The following ZNF726 variants were observed in gnomAD, a reference collection of about 807,000 sequenced individuals.
ZNF726 encodes the protein zinc finger protein 92 pseudogene 3.
ZNF726 carries 15 observed loss-of-function variants against 11.6 expected under a neutral mutation model. That is an observed-to-expected ratio of 1.29 (90% CI 0.86 to 1.99). The LOEUF is 1.99. ZNF726 is among the 30% of genes most tolerant of loss of function. The probability of loss-of-function intolerance (pLI) is 0.00; values close to 1 mark genes in which losing one functional copy is unlikely to be tolerated. For missense variants in ZNF726, 890 were observed against 725.6 expected, an observed-to-expected ratio of 1.23 and a Z score of -2.60; for synonymous variants, 295 against 243.6, an observed-to-expected ratio of 1.21 and a Z score of -1.96.
intron 1 of ZNF726, among the ~76,000 whole-genome samples, chr19:23,915,294 G>A (rs13346132): frequency 0.24 from 36,531 of 152,050 alleles, 5,195 homozygotes; most frequent in African/African-American, 0.4. Context: ...GACCATGGGA[G>A]GAACGTCAGG....
At chr19:23,929,635 A>G (rs1157604628) in intron 3 of ZNF726, among the ~76,000 whole-genome samples, 1 of 152,218 alleles carries the variant, frequency 6.6e-6, no homozygotes, top group African/African-American at 2.4e-5. Context: ...AAACCATATC[A>G]TCTTAAAAAA....
At chr19:23,918,485 T>G (rs1024019034) in intron 1 of ZNF726, among the ~76,000 whole-genome samples, 5 of 152,210 alleles carry the variant, frequency 3.3e-5, no homozygotes, top group Admixed American at 6.5e-5. Context: ...GGACTTTCCA[T>G]AAAAATGATG....
At position 23,934,471 on chromosome 19, in the gene ZNF726, C is replaced by A. The variant is rs983794865; in HGVS notation, c.*504C>A. 2.5e-6 allele frequency: 1 copy of A among 392,764 alleles called. No individual in the cohort carries two copies. The highest frequency in any genetic ancestry group is 5.1e-6 in the Non-Finnish European group (1 of 195,584). The allele number at this position is 392,764 out of a possible 1,614,324, so 24.3% of individuals were successfully genotyped here. A position where few individuals can be genotyped will look rare whatever the true frequency, so the allele number is the denominator to read the frequency against. ...TAATTCAAACTGGAAAGAAACCCTGCAAGTCTGAAGAATGTGGGAAATCTT... is the reference window on the plus strand; with the variant it reads ...TAATTCAAACTGGAAAGAAACCCTGAAAGTCTGAAGAATGTGGGAAATCTT... On this transcript the variant is annotated 3_prime_UTR_variant, in exon 4 of 4. Coordinates refer to ENST00000594466, the MANE Select transcript of ZNF726 (RefSeq NM_001244038.2).
intron 1 of ZNF726, chr19:23,919,027 A>T (rs1356555839): frequency 1.9e-5 from 4 of 208,298 alleles, no homozygotes; most frequent in Non-Finnish European, 3.8e-5. Flanking sequence ...ATTTTGTCTG[A>T]AAAATATAAA....
downstream of ZNF726, among the ~76,000 whole-genome samples, chr19:23,937,199 C>T (rs1968252827): frequency 6.6e-6 from 1 of 150,652 alleles, no homozygotes; most frequent in African/African-American, 2.4e-5. Context: ...GACCCCTCCA[C>T]CTCCCTCCCG....
intron 3 of ZNF726, chr19:23,923,700 C>T (rs900354787): frequency 4.3e-5 from 7 of 163,360 alleles, no homozygotes; most frequent in Non-Finnish European, 6.7e-5. Flanking sequence ...AAATGCCTGC[C>T]TTCCATGAAT....
chr19:23,927,469 AATTT>A (rs1311658024), intron 3 of ZNF726, among the ~76,000 whole-genome samples: 1 of 151,694 alleles, frequency 6.6e-6, no homozygotes, highest in East Asian at 1.9e-4. Flanking sequence ...GGTCTTCTTA[AATTT>A]ATTTGTTATT....
downstream of ZNF726, among the ~76,000 whole-genome samples, chr19:23,938,356 CAAAA>C (rs35995397): frequency 2.7e-5 from 4 of 150,540 alleles, no homozygotes; most frequent in East Asian, 3.9e-4. Context: ...TATTTTTAGC[CAAAA>C]AAAAGTAATA....
intron 3 of ZNF726, among the ~76,000 whole-genome samples, chr19:23,940,360 T>C (rs1968318794): frequency 6.6e-6 from 1 of 152,178 alleles, no homozygotes; most frequent in Non-Finnish European, 1.5e-5. Flanking sequence ...CTTCTTTTGG[T>C]CTATGTGCCT....
At chr19:23,925,960 C>T (rs1303837973) in intron 3 of ZNF726, among the ~76,000 whole-genome samples, 1 of 151,996 alleles carries the variant, frequency 6.6e-6, no homozygotes, top group Non-Finnish European at 1.5e-5. Flanking sequence ...CGTGATCCGC[C>T]TGCCTCTGCC....
At chr19:23,934,602 T>G, downstream of ZNF726, 1 of 309,954 alleles carries the variant, frequency 3.2e-6, no homozygotes, top group South Asian at 2.9e-5. Flanking sequence ...TCCTGTGGCT[T>G]TCTCTCCTCT....
downstream of ZNF726, among the ~76,000 whole-genome samples, chr19:23,938,722 C>T (rs1257018768): frequency 2.0e-5 from 3 of 151,058 alleles, no homozygotes; most frequent in Non-Finnish European, 2.9e-5. Context: ...GTTCCCCTGC[C>T]TCAGCCTCCC....
At chr19:23,936,211 G>T (rs1460635934), downstream of ZNF726, 2 of 152,148 alleles carry the variant, frequency 1.3e-5, no homozygotes, top group Non-Finnish European at 2.9e-5. Flanking sequence ...TTAAGTCTAT[G>T]TAAATATCAG....
At chr19:23,937,086 G>A (rs1371019469), downstream of ZNF726, among the ~76,000 whole-genome samples, 3 of 142,942 alleles carry the variant, frequency 2.1e-5, no homozygotes, top group African/African-American at 7.7e-5. Flanking sequence ...CGGGCGGGGG[G>A]CTGACCCCCC....
chr19:23,941,608 T>C (rs1274769700), intron 3 of ZNF726, among the ~76,000 whole-genome samples: 1 of 152,130 alleles, frequency 6.6e-6, no homozygotes, highest in Non-Finnish European at 1.5e-5. Context: ...GTCCTGGACT[T>C]TTTTTCTTGG....
intron 4 of ZNF726, chr19:23,943,739 G>C: frequency 2.2e-6 from 1 of 445,302 alleles, no homozygotes; most frequent in East Asian, 3.0e-5. Flanking sequence ...TGAAGTAGGA[G>C]CATTTTTGTC....
Position 23,914,941 on chromosome 19 carries a change from C to A in ZNF726, c.-54C>A. ...CGTCCTCACTACTCTGTGTCTTCTG[C>A]TTTTAGGGGCGCAGCCTCTGTGGCC... On this transcript the variant is annotated 5_prime_UTR_variant, in exon 1 of 4. Coordinates refer to ENST00000594466, the MANE Select transcript of ZNF726 (RefSeq NM_001244038.2). 1 of 1,612,516 alleles carries A rather than the reference C, an allele frequency of 6.2e-7. No individual in the cohort carries two copies. Among genetic ancestry groups the A allele is most frequent in the Non-Finnish European group, 8.5e-7 (1 of 1,179,716 alleles).
chr19:23,934,432 G>C lies in ZNF726; in HGVS notation c.*465G>C, dbSNP rs564445376. ...AAGCCTTTAAGCAGTCTTCAATCCTGAGTAACCATAAGATAATTCAAACTG... is the reference window on the plus strand; with the variant it reads ...AAGCCTTTAAGCAGTCTTCAATCCTCAGTAACCATAAGATAATTCAAACTG... On this transcript the variant is annotated 3_prime_UTR_variant, in exon 4 of 4. Coordinates refer to ENST00000594466, the MANE Select transcript of ZNF726 (RefSeq NM_001244038.2). 1.8e-5 allele frequency: 8 copies of C among 443,848 alleles called. No individual in the cohort carries two copies. The highest frequency in any genetic ancestry group is 8.2e-5 in the African/African-American group (4 of 48,888). The allele number at this position is 443,848 out of a possible 1,614,324, so 27.5% of individuals were successfully genotyped here. A position where few individuals can be genotyped will look rare whatever the true frequency, so the allele number is the denominator to read the frequency against.
chr19:23,944,139 T>A (rs986717139), intron 4 of ZNF726: 3 of 152,228 alleles, frequency 2.0e-5, no homozygotes, highest in Non-Finnish European at 4.4e-5. Flanking sequence ...CCACTTTTTT[T>A]ATATACCTAT....
Sources: gnomAD v4.1 joint callset for allele counts (sites outside exome capture counted in the v4.1 genomes callset) on GRCh38, gnomAD v4.1.1 for gene constraint, MANE v1.5 for transcripts, NCBI Gene and HGNC (gene_info 2026-07-23, HGNC 2026-07-21) for gene names.